Variants in CREBBP observed in about 807,000 individuals in gnomAD.
CREBBP encodes CREB binding lysine acetyltransferase.
In CREBBP, 19 loss-of-function variants were observed where a neutral mutation model predicts 265.0. That is an observed-to-expected ratio of 0.07 (90% confidence interval 0.05 to 0.11). CREBBP has a LOEUF of 0.11. Ranked by LOEUF, CREBBP falls within the 10% of genes least tolerant of loss-of-function variation. CREBBP has a pLI of 1.00. For synonymous variants in CREBBP, 1,457 were observed against 1,223.7 expected, an observed-to-expected ratio of 1.19 and a Z score of -3.98; for missense variants, 2,525 against 3,219.0, an observed-to-expected ratio of 0.78 and a Z score of 5.22.
rs771682806 is a variant in CREBBP at position 3,728,087 on chromosome 16, C to G, written c.6960G>C (p.Met2320Ile). The G allele has an allele frequency of 6.2e-7, 1 of 1,614,124 alleles. No individual in the cohort carries two copies. The highest frequency in any genetic ancestry group is 2.2e-5 in the East Asian group (1 of 44,878). Residue 2320 changes from methionine to isoleucine, a missense_variant, in exon 31 of 31, where the codon ATG (methionine) becomes ATC (isoleucine). By Grantham distance (10) the Met-to-Ile change is conservative (BLOSUM62 1). Around this residue, in one of 19 missense-constraint regions of CREBBP, gnomAD observed 473 missense variants for 459.3 expected, o/e 1.03. Transcript: ENST00000262367. This position sits in a 1 kb window ranked among gnomAD's most constrained non-coding sequence, Gnocchi z 8.7. ...GCGAGGCCTGTGGCTGTCCTGAGAG[C>G]ATGTGTTGCTGGGGGCTCATGGGGT... is the stretch of plus-strand genomic sequence containing the variant. Reference protein sequence around the residue: ...QPNPMSPQQHMLSGQPQASHL... With the variant: ...QPNPMSPQQHILSGQPQASHL...
intron 23 of CREBBP, chr16:3,741,968 T>C (rs2052223508): frequency 6.6e-6 from 1 of 152,028 alleles, no homozygotes; most frequent in African/African-American, 2.4e-5. Context: ...TAGTCCCAGC[T>C]ACTCGGGAGG....
At chr16:3,837,851 G>C (rs796452169) in intron 2 of CREBBP, among the ~76,000 whole-genome samples, 1 of 152,138 alleles carries the variant, frequency 6.6e-6, no homozygotes, top group African/African-American at 2.4e-5. Context: ...CATGGCCTAA[G>C]TATATAGTGT....
chr16:3,775,209 G>C (rs1351464256), intron 11 of CREBBP, among the ~76,000 whole-genome samples: 1 of 152,186 alleles, frequency 6.6e-6, no homozygotes, highest in Non-Finnish European at 1.5e-5. Flanking sequence ...TTCATTGTTA[G>C]AATCTGTGCT....
intron 5 of CREBBP, among the ~76,000 whole-genome samples, chr16:3,789,530 CAT>C (rs2053459648): frequency 6.6e-6 from 1 of 152,134 alleles, no homozygotes; most frequent in South Asian, 2.1e-4. Flanking sequence ...TTATTTTTAA[CAT>C]ATATATTGTC....
chr16:3,805,633 G>T (rs1213187331), intron 3 of CREBBP, among the ~76,000 whole-genome samples: 1 of 152,192 alleles, frequency 6.6e-6, no homozygotes, highest in Non-Finnish European at 1.5e-5. Context: ...AATCTAGACA[G>T]GGGACAGAAA....
chr16:3,877,590 G>A (rs778773877), intron 1 of CREBBP, among the ~76,000 whole-genome samples: 40 of 152,236 alleles, frequency 2.6e-4, no homozygotes, highest in Non-Finnish European at 4.4e-4. Flanking sequence ...TTTGAGTACA[G>A]ATGGGGTTTC....
intron 17 of CREBBP, 44 bp downstream of exon 17, chr16:3,758,810 G>T: frequency 7.0e-7 from 1 of 1,419,130 alleles, no homozygotes; most frequent in Non-Finnish European, 1.0e-6. Flanking sequence ...ACACTCAGAA[G>T]TCACACCAGC....
rs534334536 is a variant in CREBBP at position 3,753,997 on chromosome 16, C to G, written c.3699-2191G>C. Among the ~76,000 whole-genome samples the G allele has an allele frequency of 9.2e-5, 14 of 152,314 alleles. No homozygotes were observed. In the South Asian group the frequency reaches 2.9e-3, roughly 32 times the overall value. ...AGAACCATAAACCCATCCTTCCCCA[C>G]CGAGGAAAGTGACACTGAGGGAGGC... On this transcript the variant is annotated intron_variant, in intron 19 of 30. Transcript: ENST00000262367.
chr16:3,862,019 G>A (rs2055086479), intron 1 of CREBBP, among the ~76,000 whole-genome samples: 1 of 152,196 alleles, frequency 6.6e-6, no homozygotes, highest in Non-Finnish European at 1.5e-5. Flanking sequence ...GCGAGTCACT[G>A]CTCAGGGGCC....
At chr16:3,818,150 T>C (rs952749583) in intron 2 of CREBBP, among the ~76,000 whole-genome samples, 1 of 152,028 alleles carries the variant, frequency 6.6e-6, no homozygotes, top group African/African-American at 2.4e-5. Context: ...CTTATGAGTA[T>C]GCACCTGAGG....
In CREBBP at chr16:3,729,149, G is replaced by C. The variant is rs770870064; in HGVS notation, c.5898C>G (p.Ala1966=). 6.4e-7 allele frequency: 1 copy of C among 1,557,434 alleles called. No homozygotes were observed. The highest frequency in any genetic ancestry group is 8.6e-7 in the Non-Finnish European group (1 of 1,158,832). Residue 1966 remains alanine, a synonymous_variant, in exon 31 of 31, where the codon GCC becomes GCG. Coordinates refer to ENST00000262367, the MANE Select transcript of CREBBP (RefSeq NM_004380.3). ...VEAARQIERE[A]QQQQHLYRVN... is the part of the protein sequence containing the mutation. Reference sequence around the variant, plus strand: ...CCCGGTACAGGTGCTGCTGCTGCTGGGCCTCACGCTCGATCTGCCGAGCCG... The same window carrying C: ...CCCGGTACAGGTGCTGCTGCTGCTGCGCCTCACGCTCGATCTGCCGAGCCG...
chr16:3,773,682 A>G (rs1438933139), intron 13 of CREBBP, 69 bp downstream of exon 13: 1 of 1,555,036 alleles, frequency 6.4e-7, no homozygotes, highest in East Asian at 2.3e-5. Context: ...GAAGACAGAA[A>G]AAAAAAACCA....
rs147897208 is a variant in CREBBP, at chr16:3,769,116, G to C, written c.3060+58C>G. On this transcript the variant is annotated intron_variant, in intron 15 of 30. Coordinates refer to ENST00000262367, the MANE Select transcript of CREBBP (RefSeq NM_004380.3). Reference sequence around the variant, plus strand: ...ATGGCAGGCTCCAAGCCTCGCCCGAGGACACCTGGGTAAAGTTGCGATACG... The same window carrying C: ...ATGGCAGGCTCCAAGCCTCGCCCGACGACACCTGGGTAAAGTTGCGATACG... The C allele has an allele frequency of 6.0e-3, 9,525 of 1,600,566 alleles. 44 individuals carry two copies. The highest frequency in any genetic ancestry group is 7.5e-3 in the Non-Finnish European group (8,782 of 1,169,244).
chr16:3,735,997 G>C, intron 28 of CREBBP, 39 bp downstream of exon 28: 1 of 1,614,076 alleles, frequency 6.2e-7, no homozygotes, highest in South Asian at 1.1e-5. Context: ...CAGCTCCAGC[G>C]GGACACGTGG....
intron 2 of CREBBP, among the ~76,000 whole-genome samples, chr16:3,825,129 ATAATT>A (rs1730404248): frequency 6.6e-6 from 1 of 152,176 alleles, no homozygotes; most frequent in East Asian, 1.9e-4. Context: ...CCTTACTACA[ATAATT>A]TAAAGTCAAT....
At chr16:3,824,772 C>T (rs2054207065) in intron 2 of CREBBP, among the ~76,000 whole-genome samples, 1 of 152,222 alleles carries the variant, frequency 6.6e-6, no homozygotes, top group African/African-American at 2.4e-5. Context: ...TACTGTAACT[C>T]TCTAAGCAAA....
chr16:3,842,887 A>C (rs1298418345), intron 2 of CREBBP, among the ~76,000 whole-genome samples: 1 of 146,000 alleles, frequency 6.8e-6, no homozygotes, highest in African/African-American at 2.6e-5. Flanking sequence ...AATCGCTTGA[A>C]CCTGGGAGGC....
Position 3,806,022 on chromosome 16 carries a change from T to C in CREBBP, c.975+4581A>G, listed in dbSNP as rs542718070. Reference sequence around the variant, plus strand: ...GATTCTGCACCTTCGTCCTAAGAGATTGTGAATCGGGAGGACTGGGTGAGG... The same window carrying C: ...GATTCTGCACCTTCGTCCTAAGAGACTGTGAATCGGGAGGACTGGGTGAGG... On this transcript the variant is annotated intron_variant, in intron 3 of 30. Transcript: ENST00000262367. 3.9e-4 allele frequency among the ~76,000 whole-genome samples: 60 copies of C among 152,298 alleles called. No homozygotes were observed. The South Asian group carries it at 0.011, about 28-fold the overall frequency.
intron 2 of CREBBP, among the ~76,000 whole-genome samples, chr16:3,834,042 A>G (rs2054394801): frequency 1.3e-5 from 2 of 152,364 alleles, no homozygotes; most frequent in South Asian, 2.1e-4. Context: ...ATCTTATCAC[A>G]GAAATGCAAA....
Sources: gnomAD v4.1 joint callset for allele counts (sites outside exome capture counted in the v4.1 genomes callset) on GRCh38, gnomAD v4.1.1 for gene constraint, gnomAD v4.1.1 regional missense constraint, Gnocchi (gnomAD v3.1) non-coding constraint, MANE v1.5 for transcripts, NCBI Gene and HGNC (gene_info 2026-07-23, HGNC 2026-07-21) for gene names.